EHBP1L1: variants seen among roughly 807,000 people sequenced by gnomAD.
EHBP1L1 encodes the protein EH domain binding protein 1 like 1, also known as EH domain-binding protein 1-like protein 1.
A neutral mutation model predicts 151.1 loss-of-function variants in EHBP1L1; 122 were observed. The ratio of observed to expected loss-of-function variants is 0.81; its 90% CI spans 0.70 to 0.94. The LOEUF is 0.94. Among genes scored for constraint, EHBP1L1 ranks in the 40% least tolerant of loss-of-function variants. The pLI, the probability that EHBP1L1 is intolerant of heterozygous loss-of-function variation, is 0.00. For missense variants in EHBP1L1, 1,941 were observed against 1,959.8 expected, an observed-to-expected ratio of 0.99 and a Z score of 0.18; for synonymous variants, 878 against 810.1, an observed-to-expected ratio of 1.08 and a Z score of -1.42.
rs1857622865 is a variant in EHBP1L1 at position 65,581,760 on chromosome 11, A to G, written c.1088A>G (p.Glu363Gly). 2 of 1,610,788 alleles carry G rather than the reference A, an allele frequency of 1.2e-6. No homozygotes were observed. The highest frequency in any genetic ancestry group is 1.7e-6 in the Non-Finnish European group (2 of 1,178,616). The stretch of plus-strand genomic sequence containing the variant: ...GGAGCTAGGCTGGGCCCGAGCATTG[A>G]GGATAAAGGTTCTGGAGACCCTTTT... ...AHGARLGPSI[E>G]DKGSGDPFGR... Residue 363 changes from glutamate (E) to glycine (G), a missense_variant, in exon 9 of 19, where the codon GAG becomes GGG. Glu to Gly is a moderately conservative substitution (Grantham distance 98). Transcript: ENST00000309295.
At position 65,584,551 on chromosome 11, in the gene EHBP1L1, G is replaced by T. The variant is rs531620857; in HGVS notation, c.3300+17G>T. 1.6e-4 allele frequency: 257 copies of T among 1,608,594 alleles called. 1 individual carries two copies. Among genetic ancestry groups the T allele is most frequent in the Non-Finnish European group, 2.0e-4 (239 of 1,177,962 alleles). The stretch of plus-strand genomic sequence containing the variant: ...AACAAGCAGGTGAGATGGGGTGGGG[G>T]ACTGCCTGGAGGGAAGGAGGGTCTG... On this transcript the variant is annotated intron_variant, in intron 11 of 18. Transcript: ENST00000309295.
rs1287255870 is a variant in EHBP1L1, at chr11:65,585,277, G to T, written c.3619G>T (p.Val1207Leu). 1 of 1,079,940 alleles carries T rather than the reference G, an allele frequency of 9.3e-7. No individual in the cohort carries two copies. Among genetic ancestry groups the T allele is most frequent in the Non-Finnish European group, 1.1e-6 (1 of 890,544 alleles). The allele number at this position is 1,079,940 out of a possible 1,614,324, so 66.9% of individuals were successfully genotyped here. The change falls in exon 12 of 19, where the codon GTG (valine) becomes TTG (leucine). Residue 1207 changes from valine to leucine, a missense_variant. Transcript: ENST00000309295. The surrounding 1 kb of genome is among the most constrained non-coding windows in gnomAD (Gnocchi z 4.0). The part of the protein sequence containing the change: ...ADRADGAAPG[V>L]ASRNAVAGRA... ...CCGCGCAGACGGGGCGGCCCCGGGGGTGGCCTCCAGGAACGCGGTCGCGGG... is the reference window on the plus strand; with the variant it reads ...CCGCGCAGACGGGGCGGCCCCGGGGTTGGCCTCCAGGAACGCGGTCGCGGG...
At chr11:65,588,670 G>A (rs1858100173) in intron 12 of EHBP1L1, among the ~76,000 whole-genome samples, 1 of 152,230 alleles carries the variant, frequency 6.6e-6, no homozygotes. Flanking sequence ...GGCAGGAGCA[G>A]TTGAGGGGCC....
At chr11:65,591,336 C>G (rs1435076724) in intron 16 of EHBP1L1, 1 of 210,160 alleles carries the variant, frequency 4.8e-6, no homozygotes, top group East Asian at 1.5e-4. Flanking sequence ...TGCAGTGAGC[C>G]GAGATCGTGC....
rs1857893117 is a variant in EHBP1L1, at chr11:65,585,211, C to T, written c.3553C>T (p.His1185Tyr). 6.0e-6 allele frequency: 7 copies of T among 1,161,238 alleles called. No homozygotes were observed. Among genetic ancestry groups the T allele is most frequent in the Non-Finnish European group, 7.4e-6 (7 of 941,872 alleles). The allele number at this position is 1,161,238 out of a possible 1,614,324, so 71.9% of individuals were successfully genotyped here. ...AGGLAQRLRG[H>Y]GAEGPQEPKE... ...AGGCCTGGCGCAGCGGCTGCGCGGT[C>T]ACGGGGCCGAGGGGCCCCAGGAGCC... Residue 1185 changes from histidine (H) to tyrosine (Y), a missense_variant, in exon 12 of 19, where the codon CAC becomes TAC. Physicochemically the swap from His to Tyr is moderately conservative, Grantham distance 83. Coordinates refer to ENST00000309295, the MANE Select transcript of EHBP1L1 (RefSeq NM_001099409.3). This position sits in a 1 kb window ranked among gnomAD's most constrained non-coding sequence, Gnocchi z 4.0.
chr11:65,592,079 CAAG>C lies in EHBP1L1; in HGVS notation c.4462_4464del (p.Lys1488del), dbSNP rs764030699. ...ATGAGCTAGTCCGGGACCTGGACCACAAGGAGCGGATGTGAGTGGCGCTGGGCG... is the reference window on the plus strand; with the variant it reads ...ATGAGCTAGTCCGGGACCTGGACCACGAGCGGATGTGAGTGGCGCTGGGCG... On this transcript the variant is annotated inframe_deletion, in exon 18 of 19. Coordinates refer to ENST00000309295, the MANE Select transcript of EHBP1L1 (RefSeq NM_001099409.3). 7 of 1,613,244 alleles carry C rather than the reference CAAG, an allele frequency of 4.3e-6. No individual in the cohort carries two copies. The African/African-American group carries it at 9.3e-5, about 22-fold the overall frequency.
Position 65,582,478 on chromosome 11 carries a change from T to C in EHBP1L1, c.1806T>C (p.Ile602=). ...SGFPETRTLE[I]EILGALEKEA... ...TCCCAGAGACTAGGACACTAGAAATTGAGATATTGGGGGCCTTGGAGAAAG... is the reference window on the plus strand; with the variant it reads ...TCCCAGAGACTAGGACACTAGAAATCGAGATATTGGGGGCCTTGGAGAAAG... Residue 602 remains isoleucine (I), a synonymous_variant, in exon 9 of 19, where the codon ATT becomes ATC. Coordinates refer to ENST00000309295, the MANE Select transcript of EHBP1L1 (RefSeq NM_001099409.3). 3 of 1,612,330 alleles carry C rather than the reference T, an allele frequency of 1.9e-6. No individual in the cohort carries two copies. The highest frequency in any genetic ancestry group is 1.7e-6 in the Non-Finnish European group (2 of 1,179,680).
In EHBP1L1 at chr11:65,582,757, G is replaced by A. The variant is rs745485758; in HGVS notation, c.2085G>A (p.Gln695=). The A allele has an allele frequency of 3.1e-6, 5 of 1,613,524 alleles. No homozygotes were observed. The South Asian group carries it at 5.5e-5, about 18-fold the overall frequency. Residue 695 remains glutamine, a synonymous_variant, in exon 9 of 19, where the codon CAG becomes CAA. Coordinates refer to ENST00000309295, the MANE Select transcript of EHBP1L1 (RefSeq NM_001099409.3). ...LGPLKIEDTI[Q]SEMLGTQETE... ...CACTGAAGATAGAAGATACAATACAGTCTGAGATGCTGGGGACCCAGGAGA... is the reference window on the plus strand; with the variant it reads ...CACTGAAGATAGAAGATACAATACAATCTGAGATGCTGGGGACCCAGGAGA...
chr11:65,580,426 A>G lies in EHBP1L1; in HGVS notation c.581A>G (p.Asp194Gly). Residue 194 changes from aspartate (D) to glycine (G), a missense_variant, in exon 6 of 19, where the codon GAT becomes GGT. Asp to Gly is a moderately conservative substitution (Grantham distance 94). Transcript: ENST00000309295. ...NLDDFAESDE[D>G]EAHGPGAPEA... ...GATGACTTTGCTGAGAGTGATGAAG[A>G]TGAGGCTCATGGCCCAGGAGCCCCG... 1 of 1,613,652 alleles carries G rather than the reference A, an allele frequency of 6.2e-7. No individual in the cohort carries two copies. Among genetic ancestry groups the G allele is most frequent in the Non-Finnish European group, 8.5e-7 (1 of 1,179,842 alleles).
rs970397750 is a variant in EHBP1L1, at chr11:65,585,818, G to A, written c.3933+227G>A. ...GGTAGTGAGCTCCTCATTAGGGGACGCATTTGAGCCAAGGCCCACCAGGCA... is the reference window on the plus strand; with the variant it reads ...GGTAGTGAGCTCCTCATTAGGGGACACATTTGAGCCAAGGCCCACCAGGCA... On this transcript the variant is annotated intron_variant, in intron 12 of 18. Transcript: ENST00000309295. The surrounding 1 kb of genome is among the most constrained non-coding windows in gnomAD (Gnocchi z 4.0). 1.3e-5 allele frequency among the ~76,000 whole-genome samples: 2 copies of A among 152,220 alleles called. No homozygotes were observed. The highest frequency in any genetic ancestry group is 2.9e-5 in the Non-Finnish European group (2 of 68,034).
chr11:65,589,667 C>T (rs913520534), intron 12 of EHBP1L1, 84 bp from the exon 13 acceptor site: 26 of 1,448,740 alleles, frequency 1.8e-5, no homozygotes, highest in South Asian at 1.0e-4. Flanking sequence ...CCCCTCCTCC[C>T]CTCTGTATGA....
chr11:65,589,751 G>A lies in EHBP1L1; in HGVS notation c.3934G>A (p.Glu1312Lys). ...CCCTCACTGGCCCCTTCTTCCACAGGAAGGCCAGGCCCCTGACCCCAGCCC... is the reference window on the plus strand; with the variant it reads ...CCCTCACTGGCCCCTTCTTCCACAGAAAGGCCAGGCCCCTGACCCCAGCCC... ...DAGAMGAAAA[E>K]GQAPDPSPAP... The change falls in exon 13 of 19, where the codon GAA (glutamate) becomes AAA (lysine). Residue 1312 changes from glutamate (E) to lysine (K), a missense_variant and splice_region_variant. Transcript: ENST00000309295. 1 of 1,540,470 alleles carries A rather than the reference G, an allele frequency of 6.5e-7. No individual in the cohort carries two copies. The highest frequency in any genetic ancestry group is 8.8e-7 in the Non-Finnish European group (1 of 1,142,466).
At chr11:65,589,456 C>T (rs1160853312) in intron 12 of EHBP1L1, among the ~76,000 whole-genome samples, 3 of 152,204 alleles carry the variant, frequency 2.0e-5, no homozygotes, top group Admixed American at 1.3e-4. Context: ...CCTGTGAGGC[C>T]GGAGCTCAGC....
rs1565124853 is a variant in EHBP1L1 at position 65,582,864 on chromosome 11, C to T, written c.2192C>T (p.Ala731Val). ...AKILGTQEIT[A>V]RDSGVREIEA... ...ATATTAGGGACCCAGGAGATAACAGCTAGGGATTCAGGGGTCAGAGAGATA... is the reference window on the plus strand; with the variant it reads ...ATATTAGGGACCCAGGAGATAACAGTTAGGGATTCAGGGGTCAGAGAGATA... Residue 731 changes from alanine to valine, a missense_variant, in exon 9 of 19, where the codon GCT becomes GTT. Physicochemically the swap from Ala to Val is moderately conservative, Grantham distance 64. Coordinates refer to ENST00000309295, the MANE Select transcript of EHBP1L1 (RefSeq NM_001099409.3). The T allele has an allele frequency of 6.2e-7, 1 of 1,613,460 alleles. No individual in the cohort carries two copies. The highest frequency in any genetic ancestry group is 8.5e-7 in the Non-Finnish European group (1 of 1,179,790).
At chr11:65,588,299 C>G (rs1313663605) in intron 12 of EHBP1L1, among the ~76,000 whole-genome samples, 1 of 152,134 alleles carries the variant, frequency 6.6e-6, no homozygotes, top group Non-Finnish European at 1.5e-5. Context: ...AACTGAAAGT[C>G]GGCCACTGTG....
At position 65,591,968 on chromosome 11, in the gene EHBP1L1, A is replaced by G; in HGVS notation, c.4358-8A>G. On this transcript the variant is annotated splice_polypyrimidine_tract_variant and splice_region_variant and intron_variant, in intron 17 of 18. Transcript: ENST00000309295. ...CGCCTCCTGACGCTTAGCCGCTTCG[A>G]CCCTCAGACTGGCAGAAAACGTCCG... 1 of 1,609,832 alleles carries G rather than the reference A, an allele frequency of 6.2e-7. No individual in the cohort carries two copies. The highest frequency in any genetic ancestry group is 8.5e-7 in the Non-Finnish European group (1 of 1,177,018).
In EHBP1L1 at chr11:65,579,917, C is replaced by T. The variant is rs1350606166; in HGVS notation, c.259-19C>T. On this transcript the variant is annotated intron_variant, in intron 3 of 18. Transcript: ENST00000309295. ...TGCTGCCCCAACAGTCCTGTACTCA[C>T]CAGCACCCTTCTTCCCAGGACCCCC... is the stretch of plus-strand genomic sequence containing the variant. 2 of 1,613,462 alleles carry T rather than the reference C, an allele frequency of 1.2e-6. No individual in the cohort carries two copies. Among genetic ancestry groups the T allele is most frequent in the African/African-American group, 2.7e-5 (2 of 74,820 alleles).
Position 65,589,936 on chromosome 11 carries a change from G to A in EHBP1L1, c.4004G>A (p.Gly1335Asp). ...PTAADSQQPP[G>D]GSSPSEEPPP... ...GCCTTATCATCATCTCTGTCTGCAG[G>A]TGGGAGTTCCCCCTCGGAGGAACCA... Residue 1335 changes from glycine (G) to aspartate (D), a missense_variant and splice_region_variant, in exon 14 of 19, where the codon GGT becomes GAT. By Grantham distance (94) the Gly-to-Asp change is moderately conservative (BLOSUM62 -1). Coordinates refer to ENST00000309295, the MANE Select transcript of EHBP1L1 (RefSeq NM_001099409.3). The A allele has an allele frequency of 1.3e-6, 2 of 1,562,966 alleles. No homozygotes were observed. Among genetic ancestry groups the A allele is most frequent in the South Asian group, 1.2e-5 (1 of 84,516 alleles).
At chr11:65,576,500 GA>G in intron 1 of EHBP1L1, 94 bp downstream of exon 1, 1 of 1,110,608 alleles carries the variant, frequency 9.0e-7, no homozygotes, top group Non-Finnish European at 1.3e-6. Context: ...CCAGCCCAAT[GA>G]CCAAATGGGC....
Sources: gnomAD v4.1 joint callset for allele counts (sites outside exome capture counted in the v4.1 genomes callset) on GRCh38, gnomAD v4.1.1 for gene constraint, Gnocchi (gnomAD v3.1) non-coding constraint, MANE v1.5 for transcripts, NCBI Gene and HGNC (gene_info 2026-07-23, HGNC 2026-07-21) for gene names.